The following PID1 variants were observed in gnomAD, a reference collection of about 807,000 sequenced individuals.
PID1 encodes the protein PTB-containing, cubilin and LRP1-interacting protein.
A neutral mutation model predicts 19.1 loss-of-function variants in PID1; 10 were observed. That is an observed-to-expected ratio of 0.52 (90% CI 0.32 to 0.89). PID1 has a LOEUF of 0.89. PID1 is among the 40% of genes least tolerant of loss of function. The pLI is 0.03. For synonymous variants in PID1, 130 were observed against 116.0 expected (o/e 1.12, Z -0.78); for missense variants, 248 against 285.3 (o/e 0.87, Z 0.94).
chr2:229,168,130 A>T (rs1395371269), intron 1 of PID1, among the ~76,000 whole-genome samples: 3 of 152,166 alleles, frequency 2.0e-5, no homozygotes, highest in Non-Finnish European at 4.4e-5. Flanking sequence ...GATATAATGA[A>T]GCCAGTTATA....
At chr2:229,046,247 A>C (rs1321697438) in intron 2 of PID1, among the ~76,000 whole-genome samples, 1 of 152,160 alleles carries the variant, frequency 6.6e-6, no homozygotes, top group African/African-American at 2.4e-5. Context: ...AATAATACGC[A>C]GACATACACA....
intron 2 of PID1, among the ~76,000 whole-genome samples, chr2:229,084,384 T>C (rs776187115): frequency 3.3e-5 from 5 of 152,228 alleles, no homozygotes; most frequent in Non-Finnish European, 7.3e-5. Flanking sequence ...TTGTTCCTTA[T>C]GCCAATAAGT....
intron 1 of PID1, among the ~76,000 whole-genome samples, chr2:229,254,954 G>A (rs1244531514): frequency 6.6e-6 from 1 of 152,116 alleles, no homozygotes; most frequent in Admixed American, 6.5e-5. Flanking sequence ...TGAATTTCTG[G>A]GTTTAAAAGG....
intron 2 of PID1, among the ~76,000 whole-genome samples, chr2:229,037,584 G>A (rs1014717254): frequency 2.0e-5 from 3 of 152,148 alleles, no homozygotes; most frequent in Non-Finnish European, 4.4e-5. Flanking sequence ...AGACAGAAGC[G>A]ATTTATCTTG....
At chr2:229,150,809 A>C (rs1574670350) in intron 2 of PID1, among the ~76,000 whole-genome samples, 1 of 150,820 alleles carries the variant, frequency 6.6e-6, no homozygotes, top group Middle Eastern at 3.5e-3. Flanking sequence ...ATATATCTAC[A>C]CATATAATGT....
chr2:229,114,778 C>T (rs1314321159), intron 2 of PID1, among the ~76,000 whole-genome samples: 1 of 152,174 alleles, frequency 6.6e-6, no homozygotes, highest in Non-Finnish European at 1.5e-5. Flanking sequence ...ATACACTTGT[C>T]TTCTTCCACT....
chr2:229,118,171 T>C (rs1695447591), intron 2 of PID1, among the ~76,000 whole-genome samples: 1 of 152,200 alleles, frequency 6.6e-6, no homozygotes, highest in Non-Finnish European at 1.5e-5. Context: ...GTTCATTATT[T>C]TTCTGCTTTC....
intron 1 of PID1, among the ~76,000 whole-genome samples, chr2:229,187,822 T>C (rs889417313): frequency 6.6e-6 from 1 of 152,148 alleles, no homozygotes; most frequent in Non-Finnish European, 1.5e-5. Context: ...TCCCATCCCC[T>C]CTATAGAAAA....
At chr2:229,038,850 A>T (rs544740091) in intron 2 of PID1, among the ~76,000 whole-genome samples, 2 of 152,288 alleles carry the variant, frequency 1.3e-5, no homozygotes, top group South Asian at 4.2e-4. Flanking sequence ...TAATGACCAC[A>T]TCTTCTGCTG....
At chr2:229,231,829 C>A in intron 1 of PID1, 1 of 1,529,376 alleles carries the variant, frequency 6.5e-7, no homozygotes, top group Non-Finnish European at 8.8e-7. Flanking sequence ...TCCCACTCCT[C>A]TTCTTTTACC....
chr2:229,186,649 A>C (rs1427606054), intron 1 of PID1, among the ~76,000 whole-genome samples: 1 of 152,174 alleles, frequency 6.6e-6, no homozygotes, highest in East Asian at 1.9e-4. Flanking sequence ...AAGCCACAAC[A>C]ACATGTTTTC....
chr2:229,034,611 A>G (rs1240878404), intron 2 of PID1, among the ~76,000 whole-genome samples: 2 of 152,108 alleles, frequency 1.3e-5, no homozygotes, highest in Non-Finnish European at 2.9e-5. Context: ...TCAGCCATCA[A>G]GGAGTTGCAG....
intron 2 of PID1, among the ~76,000 whole-genome samples, chr2:229,059,746 T>C (rs1187532240): frequency 6.6e-6 from 1 of 152,196 alleles, no homozygotes; most frequent in African/African-American, 2.4e-5. Context: ...TTGCAAAATC[T>C]GTTAAATGAC....
chr2:229,240,362 T>C (rs1689840100), intron 1 of PID1, among the ~76,000 whole-genome samples: 1 of 152,146 alleles, frequency 6.6e-6, no homozygotes, highest in Admixed American at 6.6e-5. Context: ...TTAGAACTTC[T>C]CTATTACTGA....
chr2:229,128,802 GAA>G (rs1559246114), intron 2 of PID1, among the ~76,000 whole-genome samples: 1 of 152,110 alleles, frequency 6.6e-6, no homozygotes, highest in African/African-American at 2.4e-5. Flanking sequence ...TAAAAAAATA[GAA>G]AGAGTAAAAA....
At chr2:229,256,266 C>A (rs1383790475) in intron 1 of PID1, among the ~76,000 whole-genome samples, 6 of 152,192 alleles carry the variant, frequency 3.9e-5, no homozygotes, top group Non-Finnish European at 8.8e-5. Flanking sequence ...CCTCCGTGAT[C>A]TGACGTTTTT....
At chr2:229,268,515 C>T (rs1234609115) in intron 1 of PID1, among the ~76,000 whole-genome samples, 2 of 152,176 alleles carry the variant, frequency 1.3e-5, no homozygotes, top group Non-Finnish European at 2.9e-5. Flanking sequence ...AATAAATTGA[C>T]TCCTTAGTCC....
chr2:229,051,230 C>T (rs1263234169), intron 2 of PID1, among the ~76,000 whole-genome samples: 1 of 151,978 alleles, frequency 6.6e-6, no homozygotes, highest in African/African-American at 2.4e-5. Flanking sequence ...AAAAGGAACA[C>T]AAAGGTAAAC....
chr2:229,093,768 AG>A (rs34755349), intron 2 of PID1, among the ~76,000 whole-genome samples: 92,764 of 150,998 alleles, frequency 0.61, 31,178 homozygotes, highest in Non-Finnish European at 0.76. Context: ...GATAAAAAAA[AG>A]AACCCCTCAA....
Sources: gnomAD v4.1 joint callset for allele counts (sites outside exome capture counted in the v4.1 genomes callset) on GRCh38, gnomAD v4.1.1 for gene constraint, MANE v1.5 for transcripts, NCBI Gene and HGNC (gene_info 2026-07-23, HGNC 2026-07-21) for gene names.